Variants in RPL9 observed in about 807,000 individuals in gnomAD.
RPL9 encodes ribosomal protein L9.
For synonymous variants in RPL9, 82 were observed against 77.1 expected (o/e 1.06, Z -0.33); for missense variants, 149 against 236.7 (o/e 0.63, Z 2.43).
Position 39,454,659 on chromosome 4 carries a change from T to C in RPL9, c.473-10A>G. The stretch of plus-strand genomic sequence containing the variant: ...TGCTGAATCAAAGCCGCTATAGGAG[T>C]GAAGATAAAGCAATTAATACATCAG... On this transcript the variant is annotated splice_polypyrimidine_tract_variant and intron_variant, in intron 6 of 7. Coordinates refer to ENST00000295955, the MANE Select transcript of RPL9 (RefSeq NM_000661.5). 6.2e-7 allele frequency: 1 copy of C among 1,607,228 alleles called. No homozygotes were observed. Among genetic ancestry groups the C allele is most frequent in the South Asian group, 1.1e-5 (1 of 90,162 alleles).
At chr4:39,455,471 C>T (rs1744051294) in intron 5 of RPL9, among the ~76,000 whole-genome samples, 1 of 151,496 alleles carries the variant, frequency 6.6e-6, no homozygotes, top group Non-Finnish European at 1.5e-5. Flanking sequence ...GGAAGAACTG[C>T]TTGAGCCTGC....
At chr4:39,457,031 C>T (rs1384949921) in intron 4 of RPL9, 1 of 160,022 alleles carries the variant, frequency 6.2e-6, no homozygotes, top group African/African-American at 2.4e-5. Flanking sequence ...AACTTTTTAT[C>T]TTGAGGGGAG....
At chr4:39,456,643 T>G in intron 4 of RPL9, 105 bp from the exon 5 acceptor site, 1 of 1,244,472 alleles carries the variant, frequency 8.0e-7, no homozygotes, top group South Asian at 1.5e-5. Context: ...TAACACTCAC[T>G]GCCAAGATTT....
rs200690365 is a variant in RPL9, at chr4:39,454,922, T to C, written c.414A>G (p.Gln138=). The C allele has an allele frequency of 9.9e-6, 16 of 1,613,842 alleles. No individual in the cohort carries two copies. Among genetic ancestry groups the C allele is most frequent in the Admixed American group, 3.3e-5 (2 of 59,978 alleles). ...MRPGVACSVS[Q]AQKDELILEG... is the part of the protein sequence containing the mutation. Reference sequence around the variant, plus strand: ...CAAGGATTAATTCATCTTTCTGGGCTTGAGATACTGAACAAGCAACACCTA... The same window carrying C: ...CAAGGATTAATTCATCTTTCTGGGCCTGAGATACTGAACAAGCAACACCTA... The change falls in exon 6 of 8, where the codon CAA becomes CAG. Residue 138 remains glutamine (Q), a synonymous_variant. Transcript: ENST00000295955.
intron 4 of RPL9, chr4:39,456,752 T>C (rs1312290113): frequency 3.7e-6 from 2 of 537,418 alleles, no homozygotes; most frequent in Non-Finnish European, 6.7e-6. Flanking sequence ...CTAGCTCTTA[T>C]GCCCTCAATG....
Position 39,458,327 on chromosome 4 carries a change from C to T in RPL9, c.47-18G>A. On this transcript the variant is annotated intron_variant, in intron 2 of 7. Transcript: ENST00000295955. Reference sequence around the variant, plus strand: ...AATGTCGACTAGAAGAGAGAACACACTCGTCAGGCCACACAACGCTTGGAA... The same window carrying T: ...AATGTCGACTAGAAGAGAGAACACATTCGTCAGGCCACACAACGCTTGGAA... 6.2e-7 allele frequency: 1 copy of T among 1,613,966 alleles called. No individual in the cohort carries two copies. Among genetic ancestry groups the T allele is most frequent in the Non-Finnish European group, 8.5e-7 (1 of 1,179,840 alleles).
chr4:39,456,649 G>T, intron 4 of RPL9, 111 bp from the exon 5 acceptor site: 1 of 1,179,304 alleles, frequency 8.5e-7, no homozygotes, highest in Non-Finnish European at 1.2e-6. Context: ...TCACTGCCAA[G>T]ATTTTCTAAT....
chr4:39,458,178 G>C lies in RPL9; in HGVS notation c.162+16C>G, dbSNP rs1375246779. The C allele has an allele frequency of 1.2e-6, 2 of 1,612,606 alleles. No homozygotes were observed. Among genetic ancestry groups the C allele is most frequent in the Non-Finnish European group, 1.7e-6 (2 of 1,178,860 alleles). On this transcript the variant is annotated intron_variant, in intron 3 of 7. Transcript: ENST00000295955. ...CTTCCAACGAGCAACTGAATTATCA[G>C]AAGAAAAACCCTCACCCTCTTTTTT...
At chr4:39,457,764 T>C (rs567093442) in intron 3 of RPL9, 83 bp from the exon 4 acceptor site, 52 of 1,176,314 alleles carry the variant, frequency 4.4e-5, no homozygotes, top group Non-Finnish European at 6.3e-5. Context: ...TACTTTAAGA[T>C]TCTAGAATTA....
In RPL9 at chr4:39,455,918, A is replaced by G. The variant is rs184731959; in HGVS notation, c.391+488T>C. 60 of 189,678 alleles carry G rather than the reference A, an allele frequency of 3.2e-4. 1 individual carries two copies. Among genetic ancestry groups the G allele is most frequent in the Non-Finnish European group, 4.4e-5 (4 of 90,682 alleles). The allele number at this position is 189,678 out of a possible 1,614,324, so 11.7% of individuals were successfully genotyped here. A position where few individuals can be genotyped will look rare whatever the true frequency, so the allele number is the denominator to read the frequency against. Reference sequence around the variant, plus strand: ...GAGAGATGACATGCCCAAGGTGGACAGTGAGAGCTGAAATTTACGCTAGGC... The same window carrying G: ...GAGAGATGACATGCCCAAGGTGGACGGTGAGAGCTGAAATTTACGCTAGGC... On this transcript the variant is annotated intron_variant, in intron 5 of 7. Coordinates refer to ENST00000295955, the MANE Select transcript of RPL9 (RefSeq NM_000661.5).
rs758593964 is a variant in RPL9 at position 39,458,383 on chromosome 4, A to G, written c.46+11T>C. 6.2e-7 allele frequency: 1 copy of G among 1,614,194 alleles called. No homozygotes were observed. The highest frequency in any genetic ancestry group is 8.5e-7 in the Non-Finnish European group (1 of 1,179,988). ...AGTAAAGATGTAAGTAAAAGACATC[A>G]AGTCTCATACCATTTTCTGGAATGT... On this transcript the variant is annotated intron_variant, in intron 2 of 7. Coordinates refer to ENST00000295955, the MANE Select transcript of RPL9 (RefSeq NM_000661.5).
chr4:39,458,606 G>A (rs557230946), intron 1 of RPL9, 166 bp from the exon 2 acceptor site: 4 of 683,576 alleles, frequency 5.9e-6, no homozygotes, highest in East Asian at 2.7e-5. Context: ...AGCCTGGAAG[G>A]AGCAGCCCCA....
Position 39,456,422 on chromosome 4 carries a change from C to T in RPL9, c.375G>A (p.Arg125=), listed in dbSNP as rs145459909. The T allele has an allele frequency of 1.2e-6, 2 of 1,614,034 alleles. No individual in the cohort carries two copies. The highest frequency in any genetic ancestry group is 8.5e-7 in the Non-Finnish European group (1 of 1,179,996). ...TGCACATACCTGGTCTCATCCGAAC[C>T]CTGCGGATATATTTTTCACCCAAGA... ...RNFLGEKYIR[R]VRMRPGVACS... The change falls in exon 5 of 8, where the codon AGG becomes AGA. Residue 125 remains arginine (R), a synonymous_variant. Transcript: ENST00000295955.
chr4:39,455,901 A>G (rs1744067768), intron 5 of RPL9: 1 of 183,452 alleles, frequency 5.5e-6, no homozygotes, highest in African/African-American at 2.4e-5. Context: ...CAGAGAGATG[A>G]CATGCCCAAG....
In RPL9 at chr4:39,458,735, C is replaced by G. The variant is rs1744245560; in HGVS notation, c.-2+156G>C. 6.1e-6 allele frequency: 4 copies of G among 655,418 alleles called. No individual in the cohort carries two copies. In the Admixed American group the frequency reaches 6.7e-5, roughly 11 times the overall value. The allele number at this position is 655,418 out of a possible 1,614,324, so 40.6% of individuals were successfully genotyped here. A position where few individuals can be genotyped will look rare whatever the true frequency, so the allele number is the denominator to read the frequency against. ...CGGGAATAGGCCAAAAAGCCCACAA[C>G]AGGATTCGCATCTGGCGCCGCCAGG... On this transcript the variant is annotated intron_variant, in intron 1 of 7. Transcript: ENST00000295955.
intron 4 of RPL9, 57 bp downstream of exon 4, chr4:39,457,529 G>A: frequency 7.4e-7 from 1 of 1,352,208 alleles, no homozygotes; most frequent in South Asian, 1.2e-5. Flanking sequence ...GCTGTATAAA[G>A]CACAGGTTTG....
At chr4:39,458,559 G>A (rs1414442709) in intron 1 of RPL9, 119 bp from the exon 2 acceptor site, 1 of 1,068,518 alleles carries the variant, frequency 9.4e-7, no homozygotes, top group African/African-American at 1.6e-5. Flanking sequence ...CAAGATGTCG[G>A]AGGACGGGAG....
chr4:39,457,853 A>C (rs888466093), intron 3 of RPL9, 172 bp from the exon 4 acceptor site: 4 of 646,418 alleles, frequency 6.2e-6, no homozygotes, highest in Admixed American at 5.5e-5. Flanking sequence ...GCTTTGTAGA[A>C]GTTGCAACAA....
chr4:39,458,491 C>G, intron 1 of RPL9, 51 bp from the exon 2 acceptor site: 1 of 1,585,452 alleles, frequency 6.3e-7, no homozygotes, highest in Non-Finnish European at 8.7e-7. Context: ...GTTTTTCCAC[C>G]AAACTACGCC....
Sources: gnomAD v4.1 joint callset for allele counts (sites outside exome capture counted in the v4.1 genomes callset) on GRCh38, gnomAD v4.1.1 for gene constraint, MANE v1.5 for transcripts, NCBI Gene and HGNC (gene_info 2026-07-23, HGNC 2026-07-21) for gene names.